PCK2: variants seen among roughly 807,000 people sequenced by gnomAD.
PCK2 encodes phosphoenolpyruvate carboxykinase 2, mitochondrial, also known as phosphoenolpyruvate carboxykinase [GTP], mitochondrial.
A neutral mutation model predicts 65.9 loss-of-function variants in PCK2; 56 were observed. The observed-to-expected ratio is 0.85, with a 90% CI of 0.69 to 1.06. The LOEUF (loss-of-function observed/expected upper bound fraction) is 1.06, where lower values mean the gene tolerates loss of function less well. Among genes scored for constraint, PCK2 ranks in the 50% least tolerant of loss-of-function variants. PCK2 has a pLI of 0.00. For synonymous variants in PCK2, 305 were observed against 319.6 expected (o/e 0.95, Z 0.49); for missense variants, 843 against 863.1 (o/e 0.98, Z 0.29).
chr14:24,102,641 G>A, intron 7 of PCK2, 112 bp from the exon 8 acceptor site: 1 of 866,840 alleles, frequency 1.2e-6, no homozygotes, highest in Non-Finnish European at 1.8e-6. Flanking sequence ...GTTCTAGGCA[G>A]CTGATGAGGC....
At chr14:24,100,497 G>T in intron 7 of PCK2, 1 of 795,050 alleles carries the variant, frequency 1.3e-6, no homozygotes, top group Non-Finnish European at 1.8e-6. Flanking sequence ...GATTGTTGGA[G>T]GATTAAATAG....
chr14:24,098,309 C>T lies in PCK2; in HGVS notation c.382C>T (p.Arg128Cys), dbSNP rs374219329. 9.9e-6 allele frequency: 16 copies of T among 1,613,976 alleles called. No individual in the cohort carries two copies. The highest frequency in any genetic ancestry group is 6.7e-5 in the Admixed American group (4 of 60,010). ...GGTACCACTCCCGCCTGGTGGGGCC[C>T]GTGGGCAGCTGGGCAACTGGATGTC... ...DTVPLPPGGA[R>C]GQLGNWMSPA... Residue 128 changes from arginine (R) to cysteine (C), a missense_variant, in exon 3 of 10, where the codon CGT becomes TGT. Arg to Cys is a radical substitution (Grantham distance 180). Coordinates refer to ENST00000216780, the MANE Select transcript of PCK2 (RefSeq NM_004563.4).
At chr14:24,099,005 T>C (rs949052488) in intron 4 of PCK2, 44 bp from the exon 5 acceptor site, 3 of 1,495,934 alleles carry the variant, frequency 2.0e-6, no homozygotes, top group Non-Finnish European at 2.8e-6. Context: ...ACACCCCAGT[T>C]CCTGATGCTG....
At position 24,098,599 on chromosome 14, in the gene PCK2, G is replaced by C. The variant is rs2037009357; in HGVS notation, c.585G>C (p.Gly195=). The C allele has an allele frequency of 1.2e-6, 2 of 1,614,120 alleles. No homozygotes were observed. Among genetic ancestry groups the C allele is most frequent in the Non-Finnish European group, 1.7e-6 (2 of 1,180,036 alleles). The change falls in exon 4 of 10, where the codon GGG becomes GGC. Residue 195 remains glycine, a synonymous_variant. Coordinates refer to ENST00000216780, the MANE Select transcript of PCK2 (RefSeq NM_004563.4). ...GCATGCGTATTATGACCCGACTGGG[G>C]ACACCTGTGCTTCAGGCCCTGGGAG... The part of the protein sequence containing the change: ...VASMRIMTRL[G]TPVLQALGDG...
Position 24,094,787 on chromosome 14 carries a change from C to CG in PCK2, c.29+356dup, listed in dbSNP as rs2036784576. On this transcript the variant is annotated intron_variant, in intron 1 of 9. Transcript: ENST00000216780. The surrounding 1 kb of genome is among the most constrained non-coding windows in gnomAD (Gnocchi z 4.1). ...CCAGATACCTCCCTCGGACCTCTAACGGGCTCTCAGCCAGCGCCCCAGGGT... is the reference window on the plus strand; with the variant it reads ...CCAGATACCTCCCTCGGACCTCTAACGGGGCTCTCAGCCAGCGCCCCAGGGT... 15 of 1,375,394 alleles carry CG rather than the reference C, an allele frequency of 1.1e-5. No homozygotes were observed. The highest frequency in any genetic ancestry group is 1.4e-5 in the Non-Finnish European group (15 of 1,044,948). The allele number at this position is 1,375,394 out of a possible 1,614,324, so 85.2% of individuals were successfully genotyped here.
chr14:24,094,850 G>C lies in PCK2; in HGVS notation c.29+416G>C. ...AGCAGGGCCCTGGGGACAAGGGTACGTGAGCCCCGGGAGACTAAGCTCAGA... is the reference window on the plus strand; with the variant it reads ...AGCAGGGCCCTGGGGACAAGGGTACCTGAGCCCCGGGAGACTAAGCTCAGA... On this transcript the variant is annotated intron_variant, in intron 1 of 9. Transcript: ENST00000216780. This position sits in a 1 kb window ranked among gnomAD's most constrained non-coding sequence, Gnocchi z 4.1. 7.6e-7 allele frequency: 1 copy of C among 1,307,750 alleles called. No individual in the cohort carries two copies. The highest frequency in any genetic ancestry group is 1.5e-5 in the African/African-American group (1 of 66,700). The allele number at this position is 1,307,750 out of a possible 1,614,324, so 81.0% of individuals were successfully genotyped here.
chr14:24,100,323 G>C, intron 7 of PCK2, 110 bp downstream of exon 7: 1 of 1,515,046 alleles, frequency 6.6e-7, no homozygotes, highest in Non-Finnish European at 8.8e-7. Context: ...AGGAGGCACA[G>C]AAGTCATGAA....
upstream of PCK2, chr14:24,094,304 C>T: frequency 8.2e-7 from 1 of 1,213,390 alleles, no homozygotes; most frequent in Admixed American, 2.1e-5. This position sits in a 1 kb window ranked among gnomAD's most constrained non-coding sequence, Gnocchi z 4.1. Context: ...TCCCGCCAGC[C>T]TCTGCTGTGG....
Position 24,098,534 on chromosome 14 carries a change from A to G in PCK2, c.520A>G (p.Ile174Val), listed in dbSNP as rs762436188. The change falls in exon 4 of 10, where the codon ATC (isoleucine) becomes GTC (valine). Residue 174 changes from isoleucine to valine, a missense_variant. Ile to Val is a conservative substitution (Grantham distance 29, BLOSUM62 3). Coordinates refer to ENST00000216780, the MANE Select transcript of PCK2 (RefSeq NM_004563.4). Reference protein sequence around the residue: ...MGPVGSPLSRIGVQLTDSAYV... With the variant: ...MGPVGSPLSRVGVQLTDSAYV... ...TCCTGTGGGCTCCCCGCTGTCCCGC[A>G]TCGGGGTGCAGCTCACTGACTCAGC... is the stretch of plus-strand genomic sequence containing the variant. 1 of 1,614,186 alleles carries G rather than the reference A, an allele frequency of 6.2e-7. No homozygotes were observed. The highest frequency in any genetic ancestry group is 1.1e-5 in the South Asian group (1 of 91,074).
At position 24,103,589 on chromosome 14, in the gene PCK2, G is replaced by A. The variant is rs2037256887; in HGVS notation, c.1548G>A (p.Leu516=). 6.2e-7 allele frequency: 1 copy of A among 1,606,706 alleles called. No homozygotes were observed. Among genetic ancestry groups the A allele is most frequent in the Non-Finnish European group, 8.5e-7 (1 of 1,175,302 alleles). The stretch of plus-strand genomic sequence containing the variant: ...TCGGGCACTACCTGGAACACTGGCT[G>A]AGCATGGAAGGGCGCAAGGGGGCCC... ...YNFGHYLEHW[L]SMEGRKGAQL... is the part of the protein sequence containing the mutation. Residue 516 remains leucine, a synonymous_variant, in exon 10 of 10, where the codon CTG becomes CTA. Coordinates refer to ENST00000216780, the MANE Select transcript of PCK2 (RefSeq NM_004563.4).
In PCK2 at chr14:24,100,143, G is replaced by A; in HGVS notation, c.1164G>A (p.Trp388Ter). 2 of 1,613,858 alleles carry A rather than the reference G, an allele frequency of 1.2e-6. No homozygotes were observed. The highest frequency in any genetic ancestry group is 1.6e-4 in the Middle Eastern group (1 of 6,062). Residue 388 changes from tryptophan (W) to a stop codon, truncating the protein, a stop_gained, in exon 7 of 10, where the codon TGG becomes TGA. Transcript: ENST00000216780. LOFTEE classifies it high-confidence loss of function. ...AGACCAGTGATGGTGGCGTGTACTG[G>A]GAGGGCATTGACCAGCCTCTTCCAC... Reference protein sequence around the residue: ...VAETSDGGVYWEGIDQPLPPG... With the variant: ...VAETSDGGVY
chr14:24,100,639 G>A (rs2037126131), intron 7 of PCK2: 1 of 972,824 alleles, frequency 1.0e-6, no homozygotes, highest in Non-Finnish European at 1.2e-6. Flanking sequence ...TGGGCTCCAA[G>A]CACTATCCAT....
rs765125163 is a variant in PCK2, at chr14:24,098,230, T to A, written c.303T>A (p.Asp101Glu). 2 of 1,612,974 alleles carry A rather than the reference T, an allele frequency of 1.2e-6. No individual in the cohort carries two copies. The highest frequency in any genetic ancestry group is 3.3e-5 in the Admixed American group (2 of 59,910). Residue 101 changes from aspartate (D) to glutamate (E), a missense_variant, in exon 3 of 10, where the codon GAT becomes GAA. Coordinates refer to ENST00000216780, the MANE Select transcript of PCK2 (RefSeq NM_004563.4). Reference protein sequence around the residue: ...NCWLARTDPKDVARVESKTVI... With the variant: ...NCWLARTDPKEVARVESKTVI... The stretch of plus-strand genomic sequence containing the variant: ...GGCTGGCCCGCACAGACCCCAAGGA[T>A]GTGGCACGAGTAGAGAGCAAGACGG...
chr14:24,100,738 T>C (rs2759407), intron 7 of PCK2, among the ~76,000 whole-genome samples: 10,929 of 152,240 alleles, frequency 0.072, 507 homozygotes, highest in Non-Finnish European at 0.091. Flanking sequence ...CCCTGTATAA[T>C]AACCACTGTC....
intron 7 of PCK2, among the ~76,000 whole-genome samples, chr14:24,101,694 A>T (rs1046766008): frequency 1.2e-4 from 18 of 152,164 alleles, no homozygotes; most frequent in Admixed American, 9.8e-4. Flanking sequence ...AGGCCGAGGC[A>T]GTTGGATCAC....
At chr14:24,102,431 G>T (rs758471949) in intron 7 of PCK2, among the ~76,000 whole-genome samples, 44 of 152,056 alleles carry the variant, frequency 2.9e-4, no homozygotes, top group Non-Finnish European at 5.1e-4. Context: ...ATAACCTTAT[G>T]CCCATATCTA....
rs2037018225 is a variant in PCK2 at position 24,098,760 on chromosome 14, C to T, written c.664+82C>T. ...ATCCCAAATCCTACCTCTCCACAGA[C>T]CCTAAGAACCTGTCCTCTCTGGCAA... On this transcript the variant is annotated intron_variant, in intron 4 of 9. Coordinates refer to ENST00000216780, the MANE Select transcript of PCK2 (RefSeq NM_004563.4). 3 of 1,188,542 alleles carry T rather than the reference C, an allele frequency of 2.5e-6. No individual in the cohort carries two copies. The South Asian group carries it at 3.9e-5, about 15-fold the overall frequency. The allele number at this position is 1,188,542 out of a possible 1,614,324, so 73.6% of individuals were successfully genotyped here.
Position 24,100,197 on chromosome 14 carries a change from C to A in PCK2, c.1218C>A (p.Gly406=). The change falls in exon 7 of 10, where the codon GGC becomes GGA. Residue 406 remains glycine (G), a synonymous_variant. Transcript: ENST00000216780. ...PPGVTVTSWL[G]KPWKPGDKEP... ...GTGTTACTGTGACCTCCTGGCTGGG[C>A]AAACCCTGGAAACCTGGTATGTGCG... The A allele has an allele frequency of 1.2e-6, 2 of 1,614,200 alleles. No individual in the cohort carries two copies. The highest frequency in any genetic ancestry group is 1.7e-6 in the Non-Finnish European group (2 of 1,180,032).
chr14:24,096,953 C>A lies in PCK2; in HGVS notation c.91C>A (p.Arg31=). 1 of 1,613,322 alleles carries A rather than the reference C, an allele frequency of 6.2e-7. No homozygotes were observed. Among genetic ancestry groups the A allele is most frequent in the Non-Finnish European group, 8.5e-7 (1 of 1,179,402 alleles). ...WPSCRSIQTL[R]VLSGDLGQLP... is the part of the protein sequence containing the mutation. ...ATCATGCCGTAGCATCCAGACCCTGCGAGTGCTTAGTGGAGATCTGGGCCA... is the reference window on the plus strand; with the variant it reads ...ATCATGCCGTAGCATCCAGACCCTGAGAGTGCTTAGTGGAGATCTGGGCCA... The change falls in exon 2 of 10, where the codon CGA becomes AGA. Residue 31 remains arginine (R), a synonymous_variant. Transcript: ENST00000216780.
Sources: allele counts gnomAD v4.1 joint callset (sites outside exome capture counted in the v4.1 genomes callset), GRCh38; gene constraint gnomAD v4.1.1; non-coding constraint Gnocchi (gnomAD v3.1); transcripts MANE v1.5; gene names NCBI Gene and HGNC (gene_info 2026-07-23, HGNC 2026-07-21).